Variants in SHANK2 observed in about 807,000 individuals in gnomAD.
SHANK2 encodes the protein SH3 and multiple ankyrin repeat domains protein 2.
Under a neutral mutation model 133.7 loss-of-function variants are expected in SHANK2, and 43 were observed. That is an observed-to-expected ratio of 0.32 (90% confidence interval 0.25 to 0.41). The LOEUF (loss-of-function observed/expected upper bound fraction) is 0.41, where lower values mean the gene tolerates loss of function less well. Ranked by LOEUF, SHANK2 falls within the 10% of genes least tolerant of loss-of-function variation. The probability of loss-of-function intolerance (pLI) is 1.00; values close to 1 mark genes in which losing one functional copy is unlikely to be tolerated. For synonymous variants in SHANK2, 1,017 were observed against 952.8 expected (o/e 1.07, Z -1.24); for missense variants, 1,994 against 2,235.8 (o/e 0.89, Z 2.18).
intron 14 of SHANK2, among the ~76,000 whole-genome samples, chr11:70,737,077 G>T (rs578237509): frequency 6.6e-6 from 1 of 152,106 alleles, no homozygotes; most frequent in Non-Finnish European, 1.5e-5. Context: ...AATCCTTTCT[G>T]AGCCAAAGTC....
chr11:70,914,957 T>G (rs1295331140), intron 10 of SHANK2, among the ~76,000 whole-genome samples: 4 of 151,850 alleles, frequency 2.6e-5, no homozygotes, highest in Non-Finnish European at 5.9e-5. Context: ...GTTAAAGTAT[T>G]TAACTGGAAA....
intron 3 of SHANK2, among the ~76,000 whole-genome samples, chr11:71,131,274 G>A (rs551948692): frequency 1.3e-5 from 2 of 152,326 alleles, no homozygotes; most frequent in Non-Finnish European, 2.9e-5. Flanking sequence ...ACCCCGGCAC[G>A]GGTAACACAC....
intron 14 of SHANK2, among the ~76,000 whole-genome samples, chr11:70,726,540 G>A (rs1430398059): frequency 6.6e-6 from 1 of 152,158 alleles, no homozygotes; most frequent in Admixed American, 6.5e-5. Context: ...GACAAAGCTG[G>A]TGGAAGCCAA....
intron 17 of SHANK2, among the ~76,000 whole-genome samples, chr11:70,616,192 T>A (rs563729085): frequency 6.6e-6 from 1 of 152,266 alleles, no homozygotes; most frequent in East Asian, 1.9e-4. Flanking sequence ...TAGTTTGACA[T>A]GATGCAACTG....
intron 17 of SHANK2, among the ~76,000 whole-genome samples, chr11:70,573,307 T>A: frequency 5.0e-5 from 1 of 19,856 alleles, no homozygotes; most frequent in African/African-American, 2.4e-4. Flanking sequence ...AGCTGGGTGG[T>A]CACTCCAGCG....
intron 2 of SHANK2, among the ~76,000 whole-genome samples, chr11:71,149,444 C>T (rs1269184736): frequency 2.0e-5 from 3 of 152,296 alleles, no homozygotes; most frequent in African/African-American, 7.2e-5. Flanking sequence ...TTTGTCTTGT[C>T]GCTTCTCTAC....
chr11:70,485,668 T>C lies in SHANK2; in HGVS notation c.4625A>G (p.Asp1542Gly). ...TGGCTTAGGAGGTACTGGGGGTTTG[T>C]CAACCATAAATGCTTGCCCATCTGC... is the stretch of plus-strand genomic sequence containing the variant. ...VYADGQAFMV[D>G]KPPVPPKPKM... The change falls in exon 25 of 26, where the codon GAC (aspartate) becomes GGC (glycine). Residue 1542 changes from aspartate to glycine, a missense_variant. Physicochemically the swap from Asp to Gly is moderately conservative, Grantham distance 94 (BLOSUM62 -1). Around this residue, in one of 5 missense-constraint regions of SHANK2, gnomAD observed 797 missense variants for 907.4 expected, o/e 0.88. Transcript: ENST00000601538. The surrounding 1 kb of genome is among the most constrained non-coding windows in gnomAD (Gnocchi z 5.8). The C allele has an allele frequency of 6.2e-7, 1 of 1,614,120 alleles. No individual in the cohort carries two copies. The highest frequency in any genetic ancestry group is 8.5e-7 in the Non-Finnish European group (1 of 1,180,036).
chr11:71,173,926 T>C (rs1555112673), intron 2 of SHANK2, among the ~76,000 whole-genome samples: 1 of 152,196 alleles, frequency 6.6e-6, no homozygotes, highest in East Asian at 1.9e-4. Context: ...GCCTTTGAAG[T>C]GAGCACGGCC....
At chr11:70,736,238 C>T (rs1007637669) in intron 14 of SHANK2, among the ~76,000 whole-genome samples, 1 of 152,136 alleles carries the variant, frequency 6.6e-6, no homozygotes, top group Non-Finnish European at 1.5e-5. Context: ...CTCACTCATT[C>T]AGCAAATAGT....
chr11:70,954,691 A>G (rs782636948), intron 10 of SHANK2, among the ~76,000 whole-genome samples: 1 of 152,228 alleles, frequency 6.6e-6, no homozygotes, highest in Non-Finnish European at 1.5e-5. Flanking sequence ...AACCATTGCC[A>G]ACGGCATTCC....
intron 25 of SHANK2, among the ~76,000 whole-genome samples, chr11:70,482,796 C>CTTCAT (rs2058753843): frequency 6.6e-6 from 1 of 152,208 alleles, no homozygotes; most frequent in African/African-American, 2.4e-5. Flanking sequence ...CAGAGTACAG[C>CTTCAT]AGGATTCTGC....
chr11:70,902,759 G>C (rs1950041638), intron 10 of SHANK2, among the ~76,000 whole-genome samples: 2 of 152,184 alleles, frequency 1.3e-5, no homozygotes, highest in South Asian at 4.1e-4. Context: ...ACCTTTTGCT[G>C]GTGCTGACAA....
At chr11:71,104,814 C>T (rs1313424875) in intron 6 of SHANK2, among the ~76,000 whole-genome samples, 3 of 152,344 alleles carry the variant, frequency 2.0e-5, no homozygotes, top group Non-Finnish European at 2.9e-5. Context: ...TGGTGGCAGG[C>T]GCAGAAGCTG....
At chr11:71,158,425 AAGTAATACT>A (rs1242088007) in intron 2 of SHANK2, among the ~76,000 whole-genome samples, 4 of 152,260 alleles carry the variant, frequency 2.6e-5, no homozygotes, top group Non-Finnish European at 1.5e-5. Flanking sequence ...TTGTGGAGAA[AAGTAATACT>A]ACATAGCATT....
At chr11:71,099,187 G>A (rs1951677081) in intron 6 of SHANK2, among the ~76,000 whole-genome samples, 1 of 152,164 alleles carries the variant, frequency 6.6e-6, no homozygotes, top group Admixed American at 6.5e-5. Flanking sequence ...ACCACCAAGA[G>A]GTGCCCAGGG....
intron 20 of SHANK2, among the ~76,000 whole-genome samples, chr11:70,501,209 TCA>T (rs782089789): frequency 6.6e-6 from 1 of 152,214 alleles, no homozygotes; most frequent in African/African-American, 2.4e-5. Flanking sequence ...ATGCCCATCC[TCA>T]GACTCTAGCC....
intron 14 of SHANK2, among the ~76,000 whole-genome samples, chr11:70,721,560 C>T (rs893070166): frequency 1.3e-5 from 2 of 152,178 alleles, no homozygotes; most frequent in African/African-American, 4.8e-5. Flanking sequence ...GGGCTGGGCT[C>T]AGGGCACCAC....
In SHANK2 at chr11:70,720,845, A is replaced by G. The variant is rs570442833; in HGVS notation, c.1778-22082T>C. ...CTCACATACATGCAAACACATCTTC[A>G]CACACACGTACATGTATGCACACCC... On this transcript the variant is annotated intron_variant, in intron 14 of 25. Coordinates refer to ENST00000601538, the MANE Select transcript of SHANK2 (RefSeq NM_012309.5). Among the ~76,000 whole-genome samples the G allele has an allele frequency of 2.0e-5, 3 of 152,304 alleles. No homozygotes were observed. In the South Asian group the frequency reaches 6.2e-4, roughly 32 times the overall value.
At chr11:70,624,167 G>T (rs560263021) in intron 17 of SHANK2, among the ~76,000 whole-genome samples, 1 of 152,240 alleles carries the variant, frequency 6.6e-6, no homozygotes, top group South Asian at 2.1e-4. Context: ...GCTGAGGCCG[G>T]GGGAGTGTGC....
Sources: gnomAD v4.1 joint callset for allele counts (sites outside exome capture counted in the v4.1 genomes callset) on GRCh38, gnomAD v4.1.1 for gene constraint, gnomAD v4.1.1 regional missense constraint, Gnocchi (gnomAD v3.1) non-coding constraint, MANE v1.5 for transcripts, NCBI Gene and HGNC (gene_info 2026-07-23, HGNC 2026-07-21) for gene names.